The following C17orf75 variants were observed in gnomAD, a reference collection of about 807,000 sequenced individuals.
C17orf75 encodes protein Njmu-R1.
In C17orf75, 32 loss-of-function variants were observed where a neutral mutation model predicts 49.6. That is an observed-to-expected ratio of 0.65 (90% CI 0.49 to 0.87). The LOEUF (loss-of-function observed/expected upper bound fraction) is 0.87. Among genes scored for constraint, C17orf75 ranks in the 40% least tolerant of loss-of-function variants. The pLI is 0.00. For synonymous variants in C17orf75, 158 were observed against 159.5 expected (o/e 0.99, Z 0.07); for missense variants, 428 against 473.9 (o/e 0.90, Z 0.90).
In C17orf75 at chr17:32,330,759, TAAAAG is replaced by T. The variant is rs890586901; in HGVS notation, c.*999_*1003del. ...GTTTTAAAACTCCAGCATTTTCACC[TAAAAG>T]AAAACACAGGCTCTTCATAAATACC... On this transcript the variant is annotated 3_prime_UTR_variant, in exon 10 of 10. Coordinates refer to ENST00000577809, the MANE Select transcript of C17orf75 (RefSeq NM_022344.4). 3.3e-5 allele frequency: 5 copies of T among 152,214 alleles called. No homozygotes were observed. The highest frequency in any genetic ancestry group is 7.2e-5 in the African/African-American group (3 of 41,462). The allele number at this position is 152,214 out of a possible 1,614,324, so 9.4% of individuals were successfully genotyped here.
At chr17:32,338,664 C>G (rs1208016144) in intron 3 of C17orf75, among the ~76,000 whole-genome samples, 2 of 152,184 alleles carry the variant, frequency 1.3e-5, no homozygotes, top group Non-Finnish European at 2.9e-5. Context: ...AGTATGTTCT[C>G]CCCTCTCCCA....
At chr17:32,345,201 G>C (rs1470514822), upstream of C17orf75, among the ~76,000 whole-genome samples, 2 of 152,166 alleles carry the variant, frequency 1.3e-5, no homozygotes, top group Non-Finnish European at 2.9e-5. Flanking sequence ...TTAGGGGCCA[G>C]GCATGGTGGC....
intron 5 of C17orf75, among the ~76,000 whole-genome samples, chr17:32,337,132 G>C (rs756372167): frequency 6.6e-6 from 1 of 151,794 alleles, no homozygotes; most frequent in Non-Finnish European, 1.5e-5. Context: ...GGGTGATAGA[G>C]TGAGACCCTA....
chr17:32,349,595 A>C (rs2041464726), intron 1 of C17orf75, among the ~76,000 whole-genome samples: 2 of 152,050 alleles, frequency 1.3e-5, no homozygotes, highest in South Asian at 4.1e-4. Context: ...AAATAAAACA[A>C]AACAAAGAAA....
At chr17:32,339,253 AAG>A (rs10586215) in intron 3 of C17orf75, among the ~76,000 whole-genome samples, 96,392 of 151,582 alleles carry the variant, frequency 0.64, 32,374 homozygotes, top group African/African-American at 0.82. Context: ...AAATGAAAAT[AAG>A]AGAGTATCTG....
Position 32,330,827 on chromosome 17 carries a change from T to A in C17orf75, c.*936A>T, listed in dbSNP as rs1265366249. 1 of 152,202 alleles carries A rather than the reference T, an allele frequency of 6.6e-6. No homozygotes were observed. Among genetic ancestry groups the A allele is most frequent in the Non-Finnish European group, 1.5e-5 (1 of 68,028 alleles). 9.4% of individuals were successfully genotyped at this position (152,202 alleles called of 1,614,324 possible). A position where few individuals can be genotyped will look rare whatever the true frequency, so the allele number is the denominator to read the frequency against. ...AATGAAATGGTGACTGAAGGCGATT[T>A]CTGCAGTAGCTTTCTCTCAGAGATA... On this transcript the variant is annotated 3_prime_UTR_variant, in exon 10 of 10. Coordinates refer to ENST00000577809, the MANE Select transcript of C17orf75 (RefSeq NM_022344.4).
chr17:32,341,571 A>G (rs1342048320), intron 1 of C17orf75, among the ~76,000 whole-genome samples: 2 of 152,196 alleles, frequency 1.3e-5, no homozygotes, highest in Non-Finnish European at 2.9e-5. Flanking sequence ...GGAAAGTCAG[A>G]AGGAGGAAAA....
upstream of C17orf75, chr17:32,344,169 T>C: frequency 2.0e-6 from 1 of 512,350 alleles, no homozygotes; most frequent in Non-Finnish European, 3.5e-6. Flanking sequence ...ACAGCTGTAT[T>C]TTTATTTTTT....
In C17orf75 at chr17:32,331,761, G is replaced by T. The variant is rs2041275709; in HGVS notation, c.*2C>A. The T allele has an allele frequency of 6.2e-7, 1 of 1,605,274 alleles. No individual in the cohort carries two copies. On this transcript the variant is annotated 3_prime_UTR_variant, in exon 10 of 10. Transcript: ENST00000577809. ...ATCATACAATTATCTCAAAACATAT[G>T]ATCAAAAACTTTGGTCAAGAGCTTC...
At chr17:32,349,333 G>A (rs1334527091) in intron 1 of C17orf75, among the ~76,000 whole-genome samples, 2 of 151,972 alleles carry the variant, frequency 1.3e-5, no homozygotes, top group South Asian at 2.1e-4. Context: ...CTGCAATCCA[G>A]CACTTTGGGA....
At chr17:32,341,330 C>A (rs774119135) in intron 1 of C17orf75, 46 bp from the exon 2 acceptor site, 2 of 1,601,768 alleles carry the variant, frequency 1.2e-6, no homozygotes, top group Non-Finnish European at 1.7e-6. Context: ...GGGCTCTAAA[C>A]CAAGAGGAGT....
At chr17:32,339,618 A>G (rs879239494) in intron 3 of C17orf75, among the ~76,000 whole-genome samples, 195 bp downstream of exon 3, 4 of 152,058 alleles carry the variant, frequency 2.6e-5, no homozygotes, top group Admixed American at 1.3e-4. Context: ...ATAAAGTGCA[A>G]TTGGGTGCCA....
Position 32,331,717 on chromosome 17 carries a change from G to A in C17orf75, c.*46C>T. 1 of 1,464,682 alleles carries A rather than the reference G, an allele frequency of 6.8e-7. No homozygotes were observed. Among genetic ancestry groups the A allele is most frequent in the South Asian group, 1.1e-5 (1 of 87,522 alleles). 90.7% of individuals were successfully genotyped at this position (1,464,682 alleles called of 1,614,324 possible). ...TTATAACTGCAATTTCAAACACTAA[G>A]ACTTAAATATACAACTTGATCATAC... is the stretch of plus-strand genomic sequence containing the variant. On this transcript the variant is annotated 3_prime_UTR_variant, in exon 10 of 10. Coordinates refer to ENST00000577809, the MANE Select transcript of C17orf75 (RefSeq NM_022344.4).
In C17orf75 at chr17:32,341,304, T is replaced by C. The variant is rs779655440; in HGVS notation, c.141-20A>G. On this transcript the variant is annotated intron_variant, in intron 1 of 9. Transcript: ENST00000577809. ...GCCAATCTACAAGCCACAAAACCAA[T>C]AGTGCTATCAATTATGGGCTCTAAA... The C allele has an allele frequency of 4.3e-6, 7 of 1,613,450 alleles. No individual in the cohort carries two copies. The highest frequency in any genetic ancestry group is 1.6e-4 in the Middle Eastern group (1 of 6,062).
At chr17:32,342,328 T>C (rs1222318408), upstream of C17orf75, 1 of 915,244 alleles carries the variant, frequency 1.1e-6, no homozygotes, top group Non-Finnish European at 1.5e-6. Flanking sequence ...ACAGGCGTAC[T>C]GAGTTCGCCT....
chr17:32,337,454 C>A (rs892465060), intron 5 of C17orf75, among the ~76,000 whole-genome samples: 1 of 151,706 alleles, frequency 6.6e-6, no homozygotes, highest in South Asian at 2.1e-4. Flanking sequence ...CAAAGCAAGA[C>A]CCTGTCTAAA....
chr17:32,335,779 G>A (rs1243113902), intron 5 of C17orf75, among the ~76,000 whole-genome samples: 1 of 152,198 alleles, frequency 6.6e-6, no homozygotes, highest in African/African-American at 2.4e-5. Context: ...ACTCAATGGA[G>A]ATACTCACTC....
intron 8 of C17orf75, 35 bp from the exon 9 acceptor site, chr17:32,333,555 A>T (rs753821882): frequency 6.6e-7 from 1 of 1,510,990 alleles, no homozygotes; most frequent in Non-Finnish European, 9.0e-7. Context: ...AATAAAATGA[A>T]ATTTTACAAA....
intron 9 of C17orf75, among the ~76,000 whole-genome samples, chr17:32,332,449 T>A (rs978012209): frequency 6.6e-6 from 1 of 152,124 alleles, no homozygotes; most frequent in African/African-American, 2.4e-5. Flanking sequence ...GCCAAAAATC[T>A]CTTATACAAA....
Sources: allele counts gnomAD v4.1 joint callset (sites outside exome capture counted in the v4.1 genomes callset), GRCh38; gene constraint gnomAD v4.1.1; transcripts MANE v1.5; gene names NCBI Gene and HGNC (gene_info 2026-07-23, HGNC 2026-07-21).